Variants in CFAP100 observed in about 807,000 individuals in gnomAD.
CFAP100 encodes cilia and flagella associated protein 100.
A neutral mutation model predicts 81.5 loss-of-function variants in CFAP100; 70 were observed. The observed-to-expected ratio is 0.86, with a 90% CI of 0.71 to 1.05. The LOEUF is 1.05. Among genes scored for constraint, CFAP100 ranks in the 50% least tolerant of loss-of-function variants. CFAP100 has a pLI of 0.00. For missense variants in CFAP100, 811 were observed against 776.5 expected (o/e 1.04, Z -0.53); for synonymous variants, 341 against 314.8 (o/e 1.08, Z -0.88).
At chr3:126,428,077 G>A (rs1933029141) in intron 13 of CFAP100, among the ~76,000 whole-genome samples, 1 of 152,126 alleles carries the variant, frequency 6.6e-6, no homozygotes, top group Non-Finnish European at 1.5e-5. Flanking sequence ...CTCCAACACT[G>A]GGGATTACAA....
chr3:126,400,523 G>T (rs188948568), intron 2 of CFAP100, among the ~76,000 whole-genome samples: 23 of 152,194 alleles, frequency 1.5e-4, no homozygotes, highest in Admixed American at 1.2e-3. Flanking sequence ...GGAGGCCAAG[G>T]CGGGCGGATC....
intron 2 of CFAP100, among the ~76,000 whole-genome samples, chr3:126,403,128 T>C (rs116685146): frequency 0.016 from 2,365 of 152,114 alleles, 47 homozygotes; most frequent in African/African-American, 0.055. Context: ...TAGGTGTCAG[T>C]GTCCTGTGGG....
At chr3:126,424,591 C>T (rs2083382444) in intron 13 of CFAP100, among the ~76,000 whole-genome samples, 1 of 152,268 alleles carries the variant, frequency 6.6e-6, no homozygotes, top group South Asian at 2.1e-4. Flanking sequence ...ATCCTCTGCT[C>T]ACTCCCCACA....
chr3:126,406,419 G>A lies in CFAP100; in HGVS notation c.50-753G>A, dbSNP rs149176958. ...GGACTGGCACCCTGAGCAGCCCACC[G>A]GAGACCACGTTCTGGCAGCCCCTGC... On this transcript the variant is annotated intron_variant, in intron 2 of 16. Coordinates refer to ENST00000352312, the MANE Select transcript of CFAP100 (RefSeq NM_182628.3). Among the ~76,000 whole-genome samples, 980 of 152,250 alleles carry A rather than the reference G, an allele frequency of 6.4e-3. 14 individuals are homozygous for A. The highest frequency in any genetic ancestry group is 0.03 in the Admixed American group (455 of 15,298).
chr3:126,403,166 C>A (rs924265056), intron 2 of CFAP100, among the ~76,000 whole-genome samples: 3 of 152,058 alleles, frequency 2.0e-5, no homozygotes, highest in African/African-American at 7.2e-5. Context: ...TCTGAAGAGG[C>A]TGCTGTGGAT....
chr3:126,418,254 G>A, intron 5 of CFAP100: 2 of 590,578 alleles, frequency 3.4e-6, no homozygotes, highest in Middle Eastern at 4.5e-4. Context: ...CTCTGGCCAT[G>A]GAGAATGTAA....
At position 126,436,487 on chromosome 3, in the gene CFAP100, G is replaced by C; in HGVS notation, c.*83G>C. The C allele has an allele frequency of 2.0e-6, 2 of 975,646 alleles. No homozygotes were observed. Among genetic ancestry groups the C allele is most frequent in the Middle Eastern group, 2.7e-4 (1 of 3,762 alleles). 60.4% of individuals were successfully genotyped at this position (975,646 alleles called of 1,614,324 possible). A position where few individuals can be genotyped will look rare whatever the true frequency, so the allele number is the denominator to read the frequency against. ...GCAGAGACTGGGCTGGGTCTCGAGT[G>C]GCCCAACTGAGTCCTCTCTGTCTCC... On this transcript the variant is annotated 3_prime_UTR_variant, in exon 17 of 17. Coordinates refer to ENST00000352312, the MANE Select transcript of CFAP100 (RefSeq NM_182628.3).
At chr3:126,399,379 C>A (rs1388616483) in intron 2 of CFAP100, among the ~76,000 whole-genome samples, 1 of 152,036 alleles carries the variant, frequency 6.6e-6, no homozygotes, top group African/African-American at 2.4e-5. Flanking sequence ...CAATATTGCA[C>A]TAGAAGTTCT....
chr3:126,434,533 T>G, intron 15 of CFAP100, 152 bp downstream of exon 15: 4 of 722,036 alleles, frequency 5.5e-6, no homozygotes, highest in East Asian at 2.9e-5. Context: ...TGGGGGGATC[T>G]AGAGGGGCAT....
chr3:126,423,460 T>C, intron 12 of CFAP100, 33 bp from the exon 13 acceptor site: 1 of 1,612,840 alleles, frequency 6.2e-7, no homozygotes, highest in South Asian at 1.1e-5. Context: ...GCTCTGTCCC[T>C]GTCCAGTCCC....
intron 3 of CFAP100, 108 bp from the exon 4 acceptor site, chr3:126,413,977 C>T (rs867170949): frequency 8.9e-5 from 68 of 767,908 alleles, no homozygotes; most frequent in South Asian, 8.7e-4. Context: ...CCTTCCCACT[C>T]ACTCATGCTT....
chr3:126,420,565 G>A lies in CFAP100; in HGVS notation c.1082+336G>A, dbSNP rs80308529. The A allele has an allele frequency of 4.8e-4, 155 of 320,146 alleles. 1 individual carries two copies. Among genetic ancestry groups the A allele is most frequent in the African/African-American group, 3.0e-3 (142 of 46,788 alleles). 19.8% of individuals were successfully genotyped at this position (320,146 alleles called of 1,614,324 possible). On this transcript the variant is annotated intron_variant, in intron 11 of 16. Transcript: ENST00000352312. Reference sequence around the variant, plus strand: ...GGCCCTGGGGGGATAGGTACTGAGTGTGAAAGTCTGATAGATGATCTGGCT... The same window carrying A: ...GGCCCTGGGGGGATAGGTACTGAGTATGAAAGTCTGATAGATGATCTGGCT...
chr3:126,413,373 A>C (rs1046666514), intron 3 of CFAP100, among the ~76,000 whole-genome samples: 10 of 152,042 alleles, frequency 6.6e-5, no homozygotes, highest in South Asian at 2.1e-4. Context: ...TAGAGTTTTA[A>C]ATTTATTTTC....
chr3:126,403,091 A>G (rs1005600905), intron 2 of CFAP100, among the ~76,000 whole-genome samples: 4 of 151,856 alleles, frequency 2.6e-5, no homozygotes, highest in Non-Finnish European at 1.5e-5. Context: ...CAGGAGGGGG[A>G]AGGCCAGGAG....
intron 3 of CFAP100, among the ~76,000 whole-genome samples, chr3:126,411,950 G>C (rs536429959): frequency 2.0e-3 from 310 of 152,072 alleles, no homozygotes; most frequent in African/African-American, 7.2e-3. Context: ...GCTGGGTTTG[G>C]ATTTAGTTTG....
intron 2 of CFAP100, among the ~76,000 whole-genome samples, chr3:126,401,401 A>T (rs201172139): frequency 2.1e-4 from 8 of 37,866 alleles, no homozygotes; most frequent in Non-Finnish European, 4.0e-4. Context: ...CGTATTTTAT[A>T]TATATATATA....
chr3:126,411,062 T>G (rs2083145562), intron 3 of CFAP100, among the ~76,000 whole-genome samples: 1 of 152,240 alleles, frequency 6.6e-6, no homozygotes, highest in Admixed American at 6.5e-5. Context: ...TCTTCGAAGG[T>G]AGCAGCACAG....
chr3:126,432,621 A>G (rs1363691410), intron 13 of CFAP100, among the ~76,000 whole-genome samples: 1 of 149,318 alleles, frequency 6.7e-6, no homozygotes, highest in Non-Finnish European at 1.5e-5. Flanking sequence ...CTCCATTTTT[A>G]TGAAGTGTTC....
At chr3:126,424,069 G>A (rs1375441603) in intron 13 of CFAP100, among the ~76,000 whole-genome samples, 1 of 152,272 alleles carries the variant, frequency 6.6e-6, no homozygotes, top group African/African-American at 2.4e-5. Flanking sequence ...AGCTGCTGCT[G>A]CTTCATATTT....
Sources: allele counts gnomAD v4.1 joint callset (sites outside exome capture counted in the v4.1 genomes callset), GRCh38; gene constraint gnomAD v4.1.1; transcripts MANE v1.5; gene names NCBI Gene and HGNC (gene_info 2026-07-23, HGNC 2026-07-21).